Variants in CACNA2D3 observed in about 807,000 individuals in gnomAD.
CACNA2D3 encodes calcium voltage-gated channel auxiliary subunit alpha2delta 3.
CACNA2D3 carries 60 observed loss-of-function variants against 160.6 expected under a neutral mutation model. The observed-to-expected ratio is 0.37, with a 90% CI of 0.30 to 0.46. The LOEUF (loss-of-function observed/expected upper bound fraction) is 0.46, where lower values mean the gene tolerates loss of function less well. Among genes scored for constraint, CACNA2D3 ranks in the 20% least tolerant of loss-of-function variants. The pLI, the probability that CACNA2D3 is intolerant of heterozygous loss-of-function variation, is 1.00. For missense variants in CACNA2D3, 1,205 were observed against 1,365.0 expected, an observed-to-expected ratio of 0.88 and a Z score of 1.85; for synonymous variants, 558 against 492.9, an observed-to-expected ratio of 1.13 and a Z score of -1.75.
At position 54,382,589 on chromosome 3, in the gene CACNA2D3, C is replaced by T. The variant is rs142397939; in HGVS notation, c.322-4126C>T. Reference sequence around the variant, plus strand: ...CCTGAGGTCAGGAGTTCGAGACCAGCCTAGCCAACATGGTGAAACCCCATC... The same window carrying T: ...CCTGAGGTCAGGAGTTCGAGACCAGTCTAGCCAACATGGTGAAACCCCATC... On this transcript the variant is annotated intron_variant, in intron 3 of 37. Coordinates refer to ENST00000474759, the MANE Select transcript of CACNA2D3 (RefSeq NM_018398.3). Among the ~76,000 whole-genome samples the T allele has an allele frequency of 2.5e-3, 385 of 152,302 alleles. 3 individuals are homozygous for T. Among genetic ancestry groups the T allele is most frequent in the African/African-American group, 8.9e-3 (368 of 41,560 alleles).
At chr3:54,623,346 T>C (rs1699032878) in intron 9 of CACNA2D3, among the ~76,000 whole-genome samples, 1 of 152,130 alleles carries the variant, frequency 6.6e-6, no homozygotes, top group South Asian at 2.1e-4. Flanking sequence ...GAGTCCTTCC[T>C]CCCACGTGCC....
At chr3:54,853,973 C>T (rs1051386118) in intron 17 of CACNA2D3, among the ~76,000 whole-genome samples, 1 of 152,148 alleles carries the variant, frequency 6.6e-6, no homozygotes, top group African/African-American at 2.4e-5. Flanking sequence ...TCTCAGGCTG[C>T]TGCTGAACTG....
At chr3:54,553,612 C>T (rs1268637898) in intron 5 of CACNA2D3, among the ~76,000 whole-genome samples, 1 of 152,252 alleles carries the variant, frequency 6.6e-6, no homozygotes, top group Non-Finnish European at 1.5e-5. Context: ...TAGTTTGTCT[C>T]TAATTCTGTG....
intron 2 of CACNA2D3, among the ~76,000 whole-genome samples, chr3:54,224,044 A>AT (rs969674936): frequency 3.3e-5 from 5 of 149,974 alleles, no homozygotes; most frequent in East Asian, 2.0e-4. Flanking sequence ...TTTCTATTAA[A>AT]TTTTTTTTTT....
At chr3:54,402,739 A>G (rs900166409) in intron 4 of CACNA2D3, among the ~76,000 whole-genome samples, 1 of 152,198 alleles carries the variant, frequency 6.6e-6, no homozygotes, top group Non-Finnish European at 1.5e-5. Flanking sequence ...AAAATTAATA[A>G]GGAAATACTG....
chr3:54,918,614 C>G, intron 27 of CACNA2D3: 2 of 1,614,164 alleles, frequency 1.2e-6, no homozygotes, highest in Non-Finnish European at 1.7e-6. Flanking sequence ...ATCCCACACA[C>G]AACGCCAGTG....
intron 11 of CACNA2D3, among the ~76,000 whole-genome samples, chr3:54,678,048 A>G (rs1295398274): frequency 3.3e-5 from 5 of 152,176 alleles, no homozygotes; most frequent in Non-Finnish European, 5.9e-5. Context: ...GGAGTGGTAG[A>G]TGGGTCTTGT....
chr3:54,662,927 T>G (rs1420965616), intron 11 of CACNA2D3, among the ~76,000 whole-genome samples: 1 of 152,248 alleles, frequency 6.6e-6, no homozygotes, highest in African/African-American at 2.4e-5. Context: ...TCTCTGGGCT[T>G]CTAATTTGTA....
chr3:54,386,138 G>C, intron 3 of CACNA2D3: 1 of 350,654 alleles, frequency 2.9e-6, no homozygotes, highest in Non-Finnish European at 5.5e-6. Flanking sequence ...CTGAGTATTA[G>C]TTTAATTTAA....
chr3:54,340,955 A>G (rs1402363254), intron 3 of CACNA2D3, among the ~76,000 whole-genome samples: 3 of 151,806 alleles, frequency 2.0e-5, no homozygotes, highest in Admixed American at 2.0e-4. Context: ...GTCTGTTTCC[A>G]TTTTCTCTTT....
intron 14 of CACNA2D3, among the ~76,000 whole-genome samples, chr3:54,817,481 G>T (rs887041337): frequency 1.1e-4 from 17 of 152,166 alleles, no homozygotes; most frequent in African/African-American, 4.1e-4. Context: ...TGATGGCTTT[G>T]CTGTGTCACC....
intron 2 of CACNA2D3, among the ~76,000 whole-genome samples, chr3:54,271,819 C>T (rs147370157): frequency 1.3e-5 from 2 of 152,146 alleles, no homozygotes; most frequent in Admixed American, 1.3e-4. Flanking sequence ...ATGGAGACAT[C>T]CTTGCTCCCA....
intron 9 of CACNA2D3, among the ~76,000 whole-genome samples, chr3:54,622,583 GT>G (rs34935973): frequency 0.47 from 39,357 of 83,246 alleles, 6,359 homozygotes; most frequent in African/African-American, 0.57. Context: ...CCAGTTTTTG[GT>G]TTTTTTTTTT....
intron 21 of CACNA2D3, among the ~76,000 whole-genome samples, chr3:54,884,933 T>G (rs1158174113): frequency 1.3e-5 from 2 of 152,142 alleles, no homozygotes; most frequent in African/African-American, 2.4e-5. Context: ...GGTTCCCAAC[T>G]TAGACTAAAT....
At chr3:54,651,101 A>C (rs1699755715) in intron 11 of CACNA2D3, among the ~76,000 whole-genome samples, 1 of 152,214 alleles carries the variant, frequency 6.6e-6, no homozygotes, top group African/African-American at 2.4e-5. Flanking sequence ...AGACATCTTG[A>C]GAACAAAACA....
intron 11 of CACNA2D3, among the ~76,000 whole-genome samples, chr3:54,672,058 C>A (rs1190486723): frequency 6.6e-6 from 1 of 151,814 alleles, no homozygotes; most frequent in Non-Finnish European, 1.5e-5. Context: ...ATCCAAGAAC[C>A]AAAGGAGGTC....
chr3:54,969,979 T>C, intron 29 of CACNA2D3, 135 bp downstream of exon 29: 1 of 560,766 alleles, frequency 1.8e-6, no homozygotes, highest in Non-Finnish European at 3.0e-6. Flanking sequence ...AAAAAAAAAA[T>C]CATTTGCTTT....
At chr3:54,675,693 CT>C (rs963384645) in intron 11 of CACNA2D3, among the ~76,000 whole-genome samples, 9 of 152,186 alleles carry the variant, frequency 5.9e-5, no homozygotes, top group African/African-American at 1.9e-4. Context: ...GTAAATGCAC[CT>C]CCATAGTTGT....
intron 3 of CACNA2D3, among the ~76,000 whole-genome samples, chr3:54,332,486 C>T (rs1406206476): frequency 6.6e-6 from 1 of 152,172 alleles, no homozygotes; most frequent in Non-Finnish European, 1.5e-5. Context: ...CGTGAGCATG[C>T]ATGTGTATTT....
Sources: gnomAD v4.1 joint callset for allele counts (sites outside exome capture counted in the v4.1 genomes callset) on GRCh38, gnomAD v4.1.1 for gene constraint, MANE v1.5 for transcripts, NCBI Gene and HGNC (gene_info 2026-07-23, HGNC 2026-07-21) for gene names.